The following SRCIN1 variants were observed in gnomAD, a reference collection of about 807,000 sequenced individuals.
The protein encoded by SRCIN1 is SRC kinase signaling inhibitor 1.
In SRCIN1, 50 loss-of-function variants were observed where a neutral mutation model predicts 116.2. That is an observed-to-expected ratio of 0.43 (90% CI 0.34 to 0.54). The LOEUF is 0.54. Among genes scored for constraint, SRCIN1 ranks in the 20% least tolerant of loss-of-function variants. The pLI is 0.02. For missense variants in SRCIN1, 1,446 were observed against 1,672.0 expected, an observed-to-expected ratio of 0.86 and a Z score of 2.36; for synonymous variants, 736 against 750.0, an observed-to-expected ratio of 0.98 and a Z score of 0.30.
intron 1 of SRCIN1, among the ~76,000 whole-genome samples, chr17:38,591,275 C>A (rs1189389818): frequency 1.3e-5 from 2 of 152,134 alleles, no homozygotes; most frequent in Non-Finnish European, 2.9e-5. Context: ...ACATGAGCCA[C>A]AGTCTGTGCC....
intron 1 of SRCIN1, among the ~76,000 whole-genome samples, chr17:38,596,049 T>C (rs765191121): frequency 3.1e-4 from 47 of 152,032 alleles, no homozygotes; most frequent in Non-Finnish European, 5.9e-4. Flanking sequence ...GGGGCCTCCC[T>C]CCTCCTGGCT....
rs929700077 is a variant in SRCIN1 at position 38,585,294 on chromosome 17, C to T, written c.23-6503G>A. 6.6e-5 allele frequency among the ~76,000 whole-genome samples: 10 copies of T among 152,182 alleles called. No individual in the cohort carries two copies. The highest frequency in any genetic ancestry group is 1.3e-4 in the Admixed American group (2 of 15,290). On this transcript the variant is annotated intron_variant, in intron 1 of 18. Coordinates refer to ENST00000617146, the MANE Select transcript of SRCIN1 (RefSeq NM_025248.3). The surrounding 1 kb of genome is among the most constrained non-coding windows in gnomAD (Gnocchi z 4.2). ...ACACACACAAACACACAGCATGAGG[C>T]TCCCCCAGTCCCTCCTCTGCAGCCA...
chr17:38,581,664 T>C (rs919250292), intron 1 of SRCIN1, among the ~76,000 whole-genome samples: 3 of 152,118 alleles, frequency 2.0e-5, no homozygotes, highest in South Asian at 4.1e-4. Context: ...TTTCCTGATA[T>C]GATGGTAATT....
chr17:38,533,230 A>G lies in SRCIN1; in HGVS notation c.*67T>C. The G allele has an allele frequency of 6.8e-7, 1 of 1,471,988 alleles. No individual in the cohort carries two copies. The highest frequency in any genetic ancestry group is 9.0e-7 in the Non-Finnish European group (1 of 1,108,374). 91.2% of individuals were successfully genotyped at this position (1,471,988 alleles called of 1,614,324 possible). ...GTAGGGTGGGGTGGGGTGGAGATGA[A>G]GGAAGAGAGGGGAGAAATGGCAGGA... is the stretch of plus-strand genomic sequence containing the variant. On this transcript the variant is annotated 3_prime_UTR_variant, in exon 19 of 19. Transcript: ENST00000617146.
Position 38,585,057 on chromosome 17 carries a change from T to C in SRCIN1, c.23-6266A>G, listed in dbSNP as rs563714434. Among the ~76,000 whole-genome samples the C allele has an allele frequency of 5.9e-5, 9 of 152,274 alleles. No individual in the cohort carries two copies. The South Asian group carries it at 1.9e-3, about 32-fold the overall frequency. ...GGACAAAACCCCTCCCTTGGGGACC[T>C]GAGAGGCTGTCACATGTGTGCCCCG... On this transcript the variant is annotated intron_variant, in intron 1 of 18. Transcript: ENST00000617146. This position sits in a 1 kb window ranked among gnomAD's most constrained non-coding sequence, Gnocchi z 4.2.
intron 1 of SRCIN1, among the ~76,000 whole-genome samples, chr17:38,605,232 C>T (rs1363951609): frequency 6.6e-6 from 1 of 151,280 alleles, no homozygotes; most frequent in African/African-American, 2.4e-5. Context: ...CTTTGATGCA[C>T]CCCTCACTTC....
chr17:38,547,248 C>T (rs960907131), intron 17 of SRCIN1, among the ~76,000 whole-genome samples: 3 of 152,180 alleles, frequency 2.0e-5, no homozygotes, highest in Non-Finnish European at 2.9e-5. Context: ...TGGCCCCCAG[C>T]GCAAGGCATA....
Position 38,552,859 on chromosome 17 carries a change from C to A in SRCIN1, c.2202-4G>T. 1 of 1,613,432 alleles carries A rather than the reference C, an allele frequency of 6.2e-7. No homozygotes were observed. The highest frequency in any genetic ancestry group is 8.5e-7 in the Non-Finnish European group (1 of 1,179,620). On this transcript the variant is annotated splice_polypyrimidine_tract_variant and splice_region_variant and intron_variant, in intron 11 of 18. Transcript: ENST00000617146. This position sits in a 1 kb window ranked among gnomAD's most constrained non-coding sequence, Gnocchi z 5.3. ...CTCCACCGATTTCTCCAGGTCACTGCAGCCACAGAGAGACCCTTTCAGCCC... is the reference window on the plus strand; with the variant it reads ...CTCCACCGATTTCTCCAGGTCACTGAAGCCACAGAGAGACCCTTTCAGCCC...
chr17:38,600,118 C>A (rs1320893155), intron 1 of SRCIN1, among the ~76,000 whole-genome samples: 1 of 152,202 alleles, frequency 6.6e-6, no homozygotes, highest in Non-Finnish European at 1.5e-5. Context: ...TTCCTTAAGA[C>A]TAAGTCTAAC....
intron 3 of SRCIN1, among the ~76,000 whole-genome samples, chr17:38,564,917 G>C (rs1906582354): frequency 6.6e-6 from 1 of 152,106 alleles, no homozygotes; most frequent in South Asian, 2.1e-4. Flanking sequence ...AAGCCAGCTG[G>C]ACCCGGATTT....
chr17:38,606,795 G>GGACCCA (rs1221693469), upstream of SRCIN1, among the ~76,000 whole-genome samples: 12 of 151,898 alleles, frequency 7.9e-5, no homozygotes, highest in Non-Finnish European at 1.3e-4. This position sits in a 1 kb window ranked among gnomAD's most constrained non-coding sequence, Gnocchi z 5.2. Flanking sequence ...GCGCTGACCC[G>GGACCCA]GACCCAGACC....
chr17:38,563,599 G>C lies in SRCIN1; in HGVS notation c.542-78C>G. On this transcript the variant is annotated intron_variant, in intron 4 of 18. Transcript: ENST00000617146. The surrounding 1 kb of genome is among the most constrained non-coding windows in gnomAD (Gnocchi z 5.8). ...TCCAGGAGAGCGCGGGGAGCTTTTCGGAGCTGCGCCAGCCCCGCAGCGGCA... is the reference window on the plus strand; with the variant it reads ...TCCAGGAGAGCGCGGGGAGCTTTTCCGAGCTGCGCCAGCCCCGCAGCGGCA... The C allele has an allele frequency of 3.9e-6, 6 of 1,521,316 alleles. No individual in the cohort carries two copies. Among genetic ancestry groups the C allele is most frequent in the Non-Finnish European group, 5.3e-6 (6 of 1,132,980 alleles). 94.2% of individuals were successfully genotyped at this position (1,521,316 alleles called of 1,614,324 possible).
chr17:38,599,657 C>T (rs1908915570), intron 1 of SRCIN1, among the ~76,000 whole-genome samples: 1 of 152,220 alleles, frequency 6.6e-6, no homozygotes, highest in South Asian at 2.1e-4. Flanking sequence ...TCCTCTCAAG[C>T]TGTCCTATGC....
intron 1 of SRCIN1, among the ~76,000 whole-genome samples, chr17:38,595,634 T>C (rs1208236371): frequency 2.0e-5 from 3 of 152,200 alleles, no homozygotes; most frequent in African/African-American, 7.2e-5. Flanking sequence ...TCCCATCTTC[T>C]CCCATCCCCC....
intron 2 of SRCIN1, among the ~76,000 whole-genome samples, chr17:38,570,115 A>C (rs992723878): frequency 1.3e-5 from 2 of 152,158 alleles, no homozygotes; most frequent in African/African-American, 4.8e-5. Flanking sequence ...ACATCCTCTG[A>C]TAAGGACATC....
At chr17:38,601,654 GCT>G (rs1218241320) in intron 1 of SRCIN1, among the ~76,000 whole-genome samples, 4 of 130,466 alleles carry the variant, frequency 3.1e-5, no homozygotes, top group African/African-American at 5.6e-5. Flanking sequence ...ACACACACAC[GCT>G]CGCGCGCACA....
rs2040948637 is a variant in SRCIN1, at chr17:38,533,192, G to A, written c.*105C>T. 3 of 1,428,102 alleles carry A rather than the reference G, an allele frequency of 2.1e-6. No individual in the cohort carries two copies. Among genetic ancestry groups the A allele is most frequent in the Admixed American group, 5.1e-5 (2 of 39,014 alleles). 88.5% of individuals were successfully genotyped at this position (1,428,102 alleles called of 1,614,324 possible). A position where few individuals can be genotyped will look rare whatever the true frequency, so the allele number is the denominator to read the frequency against. ...CCTCCTCTTCAGGGCACACCCCTCA[G>A]GGCGTCTGGAGAGTAGGGTGGGGTG... is the stretch of plus-strand genomic sequence containing the variant. On this transcript the variant is annotated 3_prime_UTR_variant, in exon 19 of 19. Transcript: ENST00000617146.
At position 38,574,748 on chromosome 17, in the gene SRCIN1, C is replaced by A. The variant is rs72823874; in HGVS notation, c.324+3742G>T. The stretch of plus-strand genomic sequence containing the variant: ...CACAGAAGTCTCCTGAAAATAGGGG[C>A]TCCTACACCAAAGAGAAAAGGTTGC... On this transcript the variant is annotated intron_variant, in intron 2 of 18. Coordinates refer to ENST00000617146, the MANE Select transcript of SRCIN1 (RefSeq NM_025248.3). 3,506 of 398,214 alleles carry A rather than the reference C, an allele frequency of 8.8e-3. 26 individuals are homozygous for A. Among genetic ancestry groups the A allele is most frequent in the Non-Finnish European group, 0.013 (2,957 of 225,798 alleles). The allele number at this position is 398,214 out of a possible 1,614,324, so 24.7% of individuals were successfully genotyped here. A position where few individuals can be genotyped will look rare whatever the true frequency, so the allele number is the denominator to read the frequency against.
intron 18 of SRCIN1, among the ~76,000 whole-genome samples, chr17:38,536,337 TC>T (rs1221201660): frequency 6.6e-6 from 1 of 152,224 alleles, no homozygotes; most frequent in East Asian, 1.9e-4. Context: ...TCCTGTCATT[TC>T]CTTTCACCCA....
Sources: gnomAD v4.1 joint callset for allele counts (sites outside exome capture counted in the v4.1 genomes callset) on GRCh38, gnomAD v4.1.1 for gene constraint, Gnocchi (gnomAD v3.1) non-coding constraint, MANE v1.5 for transcripts, NCBI Gene and HGNC (gene_info 2026-07-23, HGNC 2026-07-21) for gene names.